The following SPATS2L variants were observed in gnomAD, a reference collection of about 807,000 sequenced individuals.
The protein encoded by SPATS2L is SPATS2-like protein.
In SPATS2L, 30 loss-of-function variants were observed where a neutral mutation model predicts 59.6. The ratio of observed to expected loss-of-function variants is 0.50; its 90% CI spans 0.38 to 0.68. The LOEUF is 0.68. Among genes scored for constraint, SPATS2L ranks in the 30% least tolerant of loss-of-function variants. The pLI is 0.00. For synonymous variants in SPATS2L, 252 were observed against 263.5 expected, an observed-to-expected ratio of 0.96 and a Z score of 0.42; for missense variants, 615 against 700.0, an observed-to-expected ratio of 0.88 and a Z score of 1.37.
At chr2:200,450,023 G>A (rs538352438) in intron 8 of SPATS2L, among the ~76,000 whole-genome samples, 2 of 152,268 alleles carry the variant, frequency 1.3e-5, no homozygotes, top group Non-Finnish European at 2.9e-5. Flanking sequence ...CATTTTCCAA[G>A]GTTTATTAAC....
chr2:200,338,622 C>T (rs908469319), intron 2 of SPATS2L, among the ~76,000 whole-genome samples: 15 of 152,192 alleles, frequency 9.9e-5, no homozygotes, highest in Non-Finnish European at 2.1e-4. Context: ...TTAGCATGTA[C>T]AGTGAAAAGA....
At chr2:200,306,134 G>C, upstream of SPATS2L, 1 of 990,884 alleles carries the variant, frequency 1.0e-6, no homozygotes, top group South Asian at 4.7e-5. Context: ...CCGAGCTCCA[G>C]CACTTTTTCC....
At chr2:200,322,414 CA>C (rs2105775632) in intron 1 of SPATS2L, among the ~76,000 whole-genome samples, 2 of 152,230 alleles carry the variant, frequency 1.3e-5, no homozygotes, top group South Asian at 2.1e-4. Context: ...ACTTGTATAT[CA>C]GGGGTTGAAT....
intron 4 of SPATS2L, among the ~76,000 whole-genome samples, chr2:200,413,954 C>T (rs138072955): frequency 6.6e-6 from 1 of 152,232 alleles, no homozygotes; most frequent in East Asian, 1.9e-4. Flanking sequence ...GCATTAGGTG[C>T]AGTTTGTCTC....
intron 12 of SPATS2L, among the ~76,000 whole-genome samples, chr2:200,476,814 C>G (rs969793034): frequency 1.3e-5 from 2 of 152,212 alleles, no homozygotes; most frequent in Admixed American, 6.5e-5. Context: ...GTATCCTGAG[C>G]TCTTGTCCAG....
chr2:200,330,699 ACT>A (rs554957979), intron 2 of SPATS2L, among the ~76,000 whole-genome samples: 15 of 152,112 alleles, frequency 9.9e-5, no homozygotes, highest in African/African-American at 3.4e-4. Context: ...ATAATCAGAA[ACT>A]CTGATTATTC....
At chr2:200,347,637 G>A (rs749146568) in intron 2 of SPATS2L, among the ~76,000 whole-genome samples, 8 of 152,182 alleles carry the variant, frequency 5.3e-5, no homozygotes, top group Non-Finnish European at 7.4e-5. Context: ...GGCTCAGGTT[G>A]GAGGCAGCTT....
At chr2:200,448,428 C>T (rs1323991818) in intron 8 of SPATS2L, among the ~76,000 whole-genome samples, 1 of 152,184 alleles carries the variant, frequency 6.6e-6, no homozygotes, top group East Asian at 1.9e-4. Context: ...GGTGACAGAA[C>T]AAGACACTGT....
At chr2:200,386,913 G>A (rs778912982) in intron 2 of SPATS2L, among the ~76,000 whole-genome samples, 9 of 151,930 alleles carry the variant, frequency 5.9e-5, no homozygotes, top group Non-Finnish European at 1.2e-4. Flanking sequence ...ACATGATGCC[G>A]AAACTTTCAT....
At chr2:200,396,138 T>C (rs1278468509) in intron 3 of SPATS2L, among the ~76,000 whole-genome samples, 1 of 141,722 alleles carries the variant, frequency 7.1e-6, no homozygotes, top group Non-Finnish European at 1.5e-5. Flanking sequence ...AAAAGCGAAC[T>C]TGACTTTTTC....
At chr2:200,353,343 C>T (rs565665088) in intron 2 of SPATS2L, among the ~76,000 whole-genome samples, 4 of 152,244 alleles carry the variant, frequency 2.6e-5, no homozygotes, top group Non-Finnish European at 2.9e-5. Flanking sequence ...TGTGTTTTGA[C>T]GGATATATTT....
chr2:200,447,433 T>G (rs937873364), intron 8 of SPATS2L, among the ~76,000 whole-genome samples: 3 of 152,242 alleles, frequency 2.0e-5, no homozygotes, highest in Admixed American at 2.0e-4. Context: ...TTACTCTGTC[T>G]TAATTAGGAG....
intron 2 of SPATS2L, among the ~76,000 whole-genome samples, chr2:200,363,974 G>C (rs1318147132): frequency 6.6e-6 from 1 of 152,110 alleles, no homozygotes; most frequent in Non-Finnish European, 1.5e-5. Flanking sequence ...TGCCCCCAAG[G>C]GTATGAAAAT....
At chr2:200,421,172 A>ATAGG (rs1481514297) in intron 6 of SPATS2L, among the ~76,000 whole-genome samples, 2 of 152,182 alleles carry the variant, frequency 1.3e-5, no homozygotes, top group Admixed American at 1.3e-4. Flanking sequence ...AGAGAAGGCT[A>ATAGG]TAGGTTCACT....
At chr2:200,461,468 G>A (rs2086236604) in intron 9 of SPATS2L, 2 of 152,152 alleles carry the variant, frequency 1.3e-5, no homozygotes, top group African/African-American at 2.4e-5. Flanking sequence ...TTTCAACAAA[G>A]ACAAGATTAC....
chr2:200,355,313 G>T (rs942407034), intron 2 of SPATS2L, among the ~76,000 whole-genome samples: 1 of 152,222 alleles, frequency 6.6e-6, no homozygotes, highest in African/African-American at 2.4e-5. Context: ...GCTGGACCTG[G>T]TGGGCTCCTC....
intron 3 of SPATS2L, among the ~76,000 whole-genome samples, chr2:200,403,229 A>G (rs1170391304): frequency 6.6e-6 from 1 of 152,062 alleles, no homozygotes; most frequent in Non-Finnish European, 1.5e-5. Flanking sequence ...CTCTAATCCA[A>G]CCACTTCTGG....
Position 200,479,294 on chromosome 2 carries a change from A to C in SPATS2L, c.*1263A>C, listed in dbSNP as rs563771671. 2.9e-6 allele frequency: 1 copy of C among 348,072 alleles called. No individual in the cohort carries two copies. The highest frequency in any genetic ancestry group is 2.1e-5 in the African/African-American group (1 of 47,900). The allele number at this position is 348,072 out of a possible 1,614,324, so 21.6% of individuals were successfully genotyped here. A position where few individuals can be genotyped will look rare whatever the true frequency, so the allele number is the denominator to read the frequency against. ...GGCAAAGGGCCACCATGCTCTTAAG[A>C]CTCAAGTCTATTTTCCACACTGTCC... On this transcript the variant is annotated 3_prime_UTR_variant, in exon 13 of 13. Coordinates refer to ENST00000409140, the MANE Select transcript of SPATS2L (RefSeq NM_001100423.2).
At chr2:200,404,056 G>C (rs1382202667) in intron 3 of SPATS2L, among the ~76,000 whole-genome samples, 1 of 152,164 alleles carries the variant, frequency 6.6e-6, no homozygotes, top group East Asian at 1.9e-4. Context: ...CATTCCACAT[G>C]GGTTTTGATG....
Sources: allele counts gnomAD v4.1 joint callset (sites outside exome capture counted in the v4.1 genomes callset), GRCh38; gene constraint gnomAD v4.1.1; transcripts MANE v1.5; gene names NCBI Gene and HGNC (gene_info 2026-07-23, HGNC 2026-07-21).